Variants in AFAP1L1 observed in about 807,000 individuals in gnomAD.
AFAP1L1 encodes actin filament associated protein 1 like 1, also known as actin filament-associated protein 1-like 1.
A neutral mutation model predicts 99.8 loss-of-function variants in AFAP1L1; 77 were observed. That is an observed-to-expected ratio of 0.77 (90% CI 0.64 to 0.93). The LOEUF (loss-of-function observed/expected upper bound fraction) is 0.93. Ranked by LOEUF, AFAP1L1 falls within the 40% of genes least tolerant of loss-of-function variation. The pLI, the probability that AFAP1L1 is intolerant of heterozygous loss-of-function variation, is 0.00. For missense variants in AFAP1L1, 893 were observed against 996.8 expected, an observed-to-expected ratio of 0.90 and a Z score of 1.40; for synonymous variants, 373 against 395.3, an observed-to-expected ratio of 0.94 and a Z score of 0.67.
intron 3 of AFAP1L1, 94 bp downstream of exon 3, chr5:149,300,448 C>A: frequency 9.1e-7 from 1 of 1,100,920 alleles, no homozygotes; most frequent in Non-Finnish European, 1.3e-6. Context: ...TTGGCTCTAA[C>A]ATCGCATCAT....
intron 18 of AFAP1L1, among the ~76,000 whole-genome samples, chr5:149,336,695 A>G (rs1420803594): frequency 6.6e-6 from 1 of 152,210 alleles, no homozygotes; most frequent in African/African-American, 2.4e-5. Flanking sequence ...TTCCACTCCC[A>G]TGATAACCCA....
At chr5:149,296,156 C>T (rs879599455) in intron 1 of AFAP1L1, among the ~76,000 whole-genome samples, 6 of 152,134 alleles carry the variant, frequency 3.9e-5, no homozygotes, top group Admixed American at 2.0e-4. Flanking sequence ...ACCCCAGTCT[C>T]CTGAGTAGCT....
chr5:149,324,406 C>T (rs1345927963), intron 15 of AFAP1L1, among the ~76,000 whole-genome samples: 1 of 152,148 alleles, frequency 6.6e-6, no homozygotes, highest in Non-Finnish European at 1.5e-5. Context: ...GACCTAATCA[C>T]CTACCAAAGG....
chr5:149,331,869 C>T (rs1757268266), intron 16 of AFAP1L1, among the ~76,000 whole-genome samples: 1 of 152,112 alleles, frequency 6.6e-6, no homozygotes, highest in Non-Finnish European at 1.5e-5. Flanking sequence ...TCATTCTTCC[C>T]TTGTGATGCC....
At chr5:149,290,523 T>C (rs1451497105) in intron 1 of AFAP1L1, among the ~76,000 whole-genome samples, 1 of 44,882 alleles carries the variant, frequency 2.2e-5, no homozygotes, top group Non-Finnish European at 5.4e-5. Flanking sequence ...TTTAGGTTGC[T>C]CAATATCTGT....
chr5:149,313,423 A>G (rs185220903), intron 9 of AFAP1L1, among the ~76,000 whole-genome samples: 180 of 152,354 alleles, frequency 1.2e-3, no homozygotes, highest in African/African-American at 4.1e-3. Flanking sequence ...GGTGATTTTC[A>G]TAACAACTCT....
rs573776738 is a variant in AFAP1L1 at position 149,282,458 on chromosome 5, C to G, written c.16+10474C>G. On this transcript the variant is annotated intron_variant, in intron 1 of 18. Transcript: ENST00000296721. ...CACTGCCGGGAGATAAGGATCCTAA[C>G]CAAGTTCCTTGAATTCCCCCCTTGG... Among the ~76,000 whole-genome samples, 3 of 152,282 alleles carry G rather than the reference C, an allele frequency of 2.0e-5. No individual in the cohort carries two copies. In the South Asian group the frequency reaches 6.2e-4, roughly 32 times the overall value.
intron 1 of AFAP1L1, chr5:149,276,828 G>T (rs1452139974): frequency 1.3e-5 from 2 of 152,216 alleles, no homozygotes; most frequent in Admixed American, 1.3e-4. Flanking sequence ...CAGGGAACAG[G>T]TTATAATCTT....
In AFAP1L1 at chr5:149,287,703, C is replaced by G. The variant is rs149923477; in HGVS notation, c.17-11806C>G. ...GTTCAAGCGATTCTCCTGCCTCAGCCTCCTGAGTAGCTGGGACTACAGACA... is the reference window on the plus strand; with the variant it reads ...GTTCAAGCGATTCTCCTGCCTCAGCGTCCTGAGTAGCTGGGACTACAGACA... On this transcript the variant is annotated intron_variant, in intron 1 of 18. Transcript: ENST00000296721. Among the ~76,000 whole-genome samples, 669 of 151,650 alleles carry G rather than the reference C, an allele frequency of 4.4e-3. 6 individuals are homozygous for G. The highest frequency in any genetic ancestry group is 0.015 in the African/African-American group (633 of 41,386).
Position 149,309,937 on chromosome 5 carries a change from T to G in AFAP1L1, c.748-19T>G. 1 of 1,614,138 alleles carries G rather than the reference T, an allele frequency of 6.2e-7. No individual in the cohort carries two copies. Among genetic ancestry groups the G allele is most frequent in the Non-Finnish European group, 8.5e-7 (1 of 1,180,010 alleles). On this transcript the variant is annotated intron_variant, in intron 7 of 18. Coordinates refer to ENST00000296721, the MANE Select transcript of AFAP1L1 (RefSeq NM_152406.4). Reference sequence around the variant, plus strand: ...CCCTCTACTTCAGAAGATCCTGATGTGTTTCTCTCCCTGTCCAGTGTTACA... The same window carrying G: ...CCCTCTACTTCAGAAGATCCTGATGGGTTTCTCTCCCTGTCCAGTGTTACA...
At chr5:149,299,862 C>A (rs1193153179) in intron 2 of AFAP1L1, among the ~76,000 whole-genome samples, 2 of 152,040 alleles carry the variant, frequency 1.3e-5, no homozygotes, top group African/African-American at 4.8e-5. Context: ...ACAGCCCTGG[C>A]TGTGCTCTTT....
At chr5:149,300,406 G>A (rs1467870148) in intron 3 of AFAP1L1, 52 bp downstream of exon 3, 1 of 1,516,200 alleles carries the variant, frequency 6.6e-7, no homozygotes, top group Non-Finnish European at 9.1e-7. Flanking sequence ...CTTTCCCTGT[G>A]TATGCAGAAG....
rs755734545 is a variant in AFAP1L1, at chr5:149,316,271, C to T, written c.1235C>T (p.Thr412Met). The T allele has an allele frequency of 1.2e-6, 2 of 1,614,056 alleles. No individual in the cohort carries two copies. Among genetic ancestry groups the T allele is most frequent in the Admixed American group, 1.7e-5 (1 of 60,016 alleles). The change falls in exon 11 of 19, where the codon ACG (threonine) becomes ATG (methionine). Residue 412 changes from threonine (T) to methionine (M), a missense_variant. By Grantham distance (81) the Thr-to-Met change is moderately conservative. Transcript: ENST00000296721. ...AAGACACTGGCCGATGACCTGCAGA[C>T]GTCCTCCACCGAGGAGGAGGTTCCC... Reference protein sequence around the residue: ...KKKTLADDLQTSSTEEEVPCC... With the variant: ...KKKTLADDLQMSSTEEEVPCC...
chr5:149,324,293 T>A (rs1757035353), intron 15 of AFAP1L1, among the ~76,000 whole-genome samples: 2 of 150,760 alleles, frequency 1.3e-5, no homozygotes, highest in Admixed American at 1.3e-4. Context: ...GCAGCCAATT[T>A]GGTGTCTGGT....
intron 16 of AFAP1L1, among the ~76,000 whole-genome samples, chr5:149,331,829 C>T (rs1757266860): frequency 6.6e-6 from 1 of 152,110 alleles, no homozygotes; most frequent in Non-Finnish European, 1.5e-5. Context: ...ATTTCTCACA[C>T]TCATGCTTCT....
At chr5:149,277,444 G>T (rs1251575507) in intron 1 of AFAP1L1, among the ~76,000 whole-genome samples, 1 of 152,148 alleles carries the variant, frequency 6.6e-6, no homozygotes. Context: ...TGACCAGGCA[G>T]CCTGTAGCTA....
At position 149,307,629 on chromosome 5, in the gene AFAP1L1, C is replaced by T. The variant is rs1373213503; in HGVS notation, c.747+16C>T. Reference sequence around the variant, plus strand: ...CCAGCTCCTGGTGAGTGGTCAGCAGCAGCCATGTGCCTCGGCCTCACATGG... The same window carrying T: ...CCAGCTCCTGGTGAGTGGTCAGCAGTAGCCATGTGCCTCGGCCTCACATGG... On this transcript the variant is annotated intron_variant, in intron 7 of 18. Coordinates refer to ENST00000296721, the MANE Select transcript of AFAP1L1 (RefSeq NM_152406.4). 1 of 1,610,756 alleles carries T rather than the reference C, an allele frequency of 6.2e-7. No homozygotes were observed. The highest frequency in any genetic ancestry group is 8.5e-7 in the Non-Finnish European group (1 of 1,179,324).
intron 7 of AFAP1L1, among the ~76,000 whole-genome samples, chr5:149,307,818 T>TTCTCTCTCTCTCTCTC (rs70973517): frequency 0.14 from 13,841 of 100,262 alleles, 2,934 homozygotes; most frequent in South Asian, 0.16. Flanking sequence ...GTGCCTCTCT[T>TTCTCTCTCTCTCTCTC]TCTCTCTCTC....
In AFAP1L1 at chr5:149,317,742, G is replaced by A; in HGVS notation, c.1281G>A (p.Val427=). The A allele has an allele frequency of 6.2e-7, 1 of 1,613,978 alleles. No individual in the cohort carries two copies. Among genetic ancestry groups the A allele is most frequent in the Non-Finnish European group, 8.5e-7 (1 of 1,179,962 alleles). The change falls in exon 12 of 19, where the codon GTG becomes GTA. Residue 427 remains valine, a synonymous_variant. Coordinates refer to ENST00000296721, the MANE Select transcript of AFAP1L1 (RefSeq NM_152406.4). The part of the protein sequence containing the change: ...EEVPCCGYLN[V]LVNQGWKERW... ...TGTCTCCTCCAGGCTACCTGAACGT[G>A]CTGGTGAACCAGGGCTGGAAGGAAC... is the stretch of plus-strand genomic sequence containing the variant.
Sources: allele counts gnomAD v4.1 joint callset (sites outside exome capture counted in the v4.1 genomes callset), GRCh38; gene constraint gnomAD v4.1.1; transcripts MANE v1.5; gene names NCBI Gene and HGNC (gene_info 2026-07-23, HGNC 2026-07-21).